Variants in PAQR3 observed in about 807,000 individuals in gnomAD.
The protein encoded by PAQR3 is Raf kinase trapping to Golgi.
A neutral mutation model predicts 41.7 loss-of-function variants in PAQR3; 39 were observed. The ratio of observed to expected loss-of-function variants is 0.93; its 90% CI spans 0.72 to 1.22. PAQR3 has a LOEUF of 1.22. Ranked by LOEUF, PAQR3 falls within the 50% of genes most tolerant of loss-of-function variation. The pLI is 0.00. For synonymous variants in PAQR3, 140 were observed against 140.6 expected (o/e 1.00, Z 0.03); for missense variants, 366 against 385.6 (o/e 0.95, Z 0.42).
At chr4:78,904,031 CCTTT>C (rs1734157014) in intron 11 of PAQR3, among the ~76,000 whole-genome samples, 1 of 151,844 alleles carries the variant, frequency 6.6e-6, no homozygotes, top group East Asian at 1.9e-4. Context: ...CTCTCAGAAT[CCTTT>C]CTTATGCTTT....
At chr4:78,890,315 T>C (rs936206502) in intron 11 of PAQR3, among the ~76,000 whole-genome samples, 23 of 152,100 alleles carry the variant, frequency 1.5e-4, no homozygotes, top group Non-Finnish European at 2.9e-4. Flanking sequence ...TTTAAAACAA[T>C]AGCTATGGAC....
At chr4:78,921,936 A>C in intron 5 of PAQR3, 1 of 985,040 alleles carries the variant, frequency 1.0e-6, no homozygotes, top group Non-Finnish European at 1.2e-6. Flanking sequence ...GGGGAAGGTT[A>C]AGTTACAATA....
rs569360950 is a variant in PAQR3, at chr4:78,933,509, C to T, written c.348+1612G>A. Among the ~76,000 whole-genome samples, 35 of 152,268 alleles carry T rather than the reference C, an allele frequency of 2.3e-4. No homozygotes were observed. In the South Asian group the frequency reaches 6.2e-3, roughly 27 times the overall value. On this transcript the variant is annotated intron_variant, in intron 2 of 5. Coordinates refer to ENST00000512733, the MANE Select transcript of PAQR3 (RefSeq NM_001040202.2). ...ATAAATATATCTATGGTTTACTATA[C>T]TGTCCACTGACCCTAAGAATCTGGA...
chr4:78,938,755 G>C (rs1737709143), intron 1 of PAQR3, among the ~76,000 whole-genome samples: 2 of 151,836 alleles, frequency 1.3e-5, no homozygotes, highest in Admixed American at 6.6e-5. Flanking sequence ...TCAATGAGCC[G>C]AACAAACCGA....
At position 78,920,329 on chromosome 4, in the gene PAQR3, G is replaced by A. The variant is rs1735527861; in HGVS notation, c.*210C>T. On this transcript the variant is annotated 3_prime_UTR_variant, in exon 6 of 6. Transcript: ENST00000512733. Reference sequence around the variant, plus strand: ...GATTGCCAACTAATTTTCACTTTCTGTACAAGCAGCAAATTAGTAGTTTTA... The same window carrying A: ...GATTGCCAACTAATTTTCACTTTCTATACAAGCAGCAAATTAGTAGTTTTA... 5 of 1,204,232 alleles carry A rather than the reference G, an allele frequency of 4.2e-6. No homozygotes were observed. Among genetic ancestry groups the A allele is most frequent in the Non-Finnish European group, 4.1e-6 (4 of 969,656 alleles). 74.6% of individuals were successfully genotyped at this position (1,204,232 alleles called of 1,614,324 possible).
chr4:78,911,359 C>T (rs1734587916), downstream of PAQR3: 3 of 1,613,816 alleles, frequency 1.9e-6, no homozygotes, highest in Non-Finnish European at 2.5e-6. Context: ...CACTCCATTT[C>T]AGCCCTTCCT....
chr4:78,910,505 C>T (rs1206717142), downstream of PAQR3: 15 of 956,742 alleles, frequency 1.6e-5, no homozygotes, highest in East Asian at 2.2e-4. Flanking sequence ...TAAGGGAACT[C>T]GTATGAGGGA....
chr4:78,910,125 A>G (rs1411155107), downstream of PAQR3, among the ~76,000 whole-genome samples: 2 of 152,228 alleles, frequency 1.3e-5, no homozygotes, highest in Non-Finnish European at 2.9e-5. Context: ...TATAAAAAAT[A>G]CAATGCTGAT....
At chr4:78,889,622 G>A (rs1290419991) in intron 11 of PAQR3, among the ~76,000 whole-genome samples, 1 of 152,104 alleles carries the variant, frequency 6.6e-6, no homozygotes, top group Non-Finnish European at 1.5e-5. Flanking sequence ...GGAAAAAGTT[G>A]GACAAAGGAG....
At chr4:78,938,194 G>T (rs1021302357) in intron 1 of PAQR3, among the ~76,000 whole-genome samples, 3 of 152,190 alleles carry the variant, frequency 2.0e-5, no homozygotes, top group Admixed American at 6.5e-5. Flanking sequence ...CAGCGACCTG[G>T]AGCTAACCAA....
At chr4:78,909,055 CTTTTTTTTTT>C (rs1053664659), downstream of PAQR3, among the ~76,000 whole-genome samples, 5 of 94,410 alleles carry the variant, frequency 5.3e-5, no homozygotes, top group African/African-American at 1.4e-4. Context: ...TTCCCTTAGT[CTTTTTTTTTT>C]TTTTTTTTTT....
At chr4:78,896,016 C>G (rs934382635) in intron 11 of PAQR3, among the ~76,000 whole-genome samples, 1 of 152,296 alleles carries the variant, frequency 6.6e-6, no homozygotes, top group South Asian at 2.1e-4. Flanking sequence ...GCCTTGGCCT[C>G]CCACAATGCT....
At chr4:78,933,444 A>G (rs2110167854) in intron 2 of PAQR3, among the ~76,000 whole-genome samples, 1 of 151,184 alleles carries the variant, frequency 6.6e-6, no homozygotes, top group Non-Finnish European at 1.5e-5. Flanking sequence ...GGAGTGAGAA[A>G]AATGTTATGT....
rs1217215541 is a variant in PAQR3, at chr4:78,939,191, T to C, written c.34A>G (p.Ile12Val). 3.7e-6 allele frequency: 6 copies of C among 1,609,038 alleles called. No homozygotes were observed. The highest frequency in any genetic ancestry group is 5.1e-6 in the Non-Finnish European group (6 of 1,177,910). ...CAGTACTGGTAGCTGCCCAGCTCGA[T>C]GTAATGCGCGCTCTTCAGCAGCTTC... ...HQKLLKSAHY[I>V]ELGSYQYWPV... Residue 12 changes from isoleucine to valine, a missense_variant, in exon 1 of 6, where the codon ATC becomes GTC. Physicochemically the swap from Ile to Val is conservative, Grantham distance 29 (BLOSUM62 3). Transcript: ENST00000512733.
chr4:78,906,582 TG>T (rs1734297428), intron 10 of PAQR3, among the ~76,000 whole-genome samples: 1 of 152,164 alleles, frequency 6.6e-6, no homozygotes, highest in African/African-American at 2.4e-5. Context: ...TGTACCCTTA[TG>T]CTGTGTGGAT....
At chr4:78,911,330 G>A (rs1321091031), downstream of PAQR3, 9 of 1,613,780 alleles carry the variant, frequency 5.6e-6, no homozygotes, top group Non-Finnish European at 7.6e-6. Flanking sequence ...TATCCCAAAA[G>A]TGTAGATGTA....
chr4:78,896,039 G>A (rs1196669005), intron 11 of PAQR3, among the ~76,000 whole-genome samples: 1 of 152,190 alleles, frequency 6.6e-6, no homozygotes, highest in Non-Finnish European at 1.5e-5. Context: ...GATTACAGGC[G>A]TGAGCCATCC....
Position 78,917,739 on chromosome 4 carries a change from C to CAA in PAQR3, c.*2798_*2799dup. The stretch of plus-strand genomic sequence containing the variant: ...TTGCCCCTTGACATTTAATACAGGG[C>CAA]AAAGTATTATCTAGTAGGTACCTGC... On this transcript the variant is annotated 3_prime_UTR_variant, in exon 6 of 6. Transcript: ENST00000512733. The CAA allele has an allele frequency of 2.2e-6, 2 of 908,998 alleles. No individual in the cohort carries two copies. Among genetic ancestry groups the CAA allele is most frequent in the Non-Finnish European group, 2.6e-6 (2 of 760,598 alleles). 56.3% of individuals were successfully genotyped at this position (908,998 alleles called of 1,614,324 possible).
rs545471060 is a variant in PAQR3 at position 78,928,257 on chromosome 4, AT to A, written c.505-1540del. Among the ~76,000 whole-genome samples, 397 of 152,206 alleles carry A rather than the reference AT, an allele frequency of 2.6e-3. 1 individual carries two copies. The highest frequency in any genetic ancestry group is 4.5e-3 in the Non-Finnish European group (303 of 68,002). ...AGCACCTGGTTATTAGTATGTTCTA[AT>A]TTTTTTTAAAGATATAAACAGTTTC... On this transcript the variant is annotated intron_variant, in intron 3 of 5. Transcript: ENST00000512733.
Sources: allele counts gnomAD v4.1 joint callset (sites outside exome capture counted in the v4.1 genomes callset), GRCh38; gene constraint gnomAD v4.1.1; transcripts MANE v1.5; gene names NCBI Gene and HGNC (gene_info 2026-07-23, HGNC 2026-07-21).